DIXDC1: variants seen among roughly 807,000 people sequenced by gnomAD.
DIXDC1 encodes the protein dixin.
DIXDC1 carries 64 observed loss-of-function variants against 103.1 expected under a neutral mutation model. The observed-to-expected ratio is 0.62, with a 90% CI of 0.51 to 0.76. The LOEUF (loss-of-function observed/expected upper bound fraction) is 0.76, where lower values mean the gene tolerates loss of function less well. DIXDC1 is among the 30% of genes least tolerant of loss of function. DIXDC1 has a pLI of 0.00. For missense variants in DIXDC1, 759 were observed against 834.2 expected, an observed-to-expected ratio of 0.91 and a Z score of 1.11; for synonymous variants, 266 against 298.5, an observed-to-expected ratio of 0.89 and a Z score of 1.12.
Position 111,977,157 on chromosome 11 carries a change from CA to C in DIXDC1, c.656+2175del. ...AACCCCTCGTCGACGTCCCCACCCCCACCTCCACCCCGCCCAGCCCCGCCCC... is the reference window on the plus strand; with the variant it reads ...AACCCCTCGTCGACGTCCCCACCCCCCCTCCACCCCGCCCAGCCCCGCCCC... On this transcript the variant is annotated intron_variant, in intron 5 of 19. Coordinates refer to ENST00000440460, the MANE Select transcript of DIXDC1 (RefSeq NM_001037954.4). The surrounding 1 kb of genome is among the most constrained non-coding windows in gnomAD (Gnocchi z 6.1). The C allele has an allele frequency of 4.6e-6, 3 of 654,288 alleles. No individual in the cohort carries two copies. The highest frequency in any genetic ancestry group is 5.7e-6 in the Non-Finnish European group (3 of 526,990). The allele number at this position is 654,288 out of a possible 1,614,324, so 40.5% of individuals were successfully genotyped here.
intron 1 of DIXDC1, among the ~76,000 whole-genome samples, chr11:111,941,346 G>T (rs948233638): frequency 1.3e-5 from 2 of 152,120 alleles, no homozygotes; most frequent in Non-Finnish European, 2.9e-5. Flanking sequence ...CATGGCCTGG[G>T]GGCTGAAAGT....
At chr11:111,953,411 C>T (rs1341210871) in intron 1 of DIXDC1, among the ~76,000 whole-genome samples, 7 of 152,006 alleles carry the variant, frequency 4.6e-5, no homozygotes, top group East Asian at 1.9e-4. Context: ...CCGAGGTGGG[C>T]GGATCACCTG....
intron 1 of DIXDC1, among the ~76,000 whole-genome samples, chr11:111,947,660 G>C (rs1966643812): frequency 6.6e-6 from 1 of 152,336 alleles, no homozygotes; most frequent in Admixed American, 6.5e-5. Context: ...TAAAGGGAGA[G>C]GCAGCAGCCT....
Position 111,992,462 on chromosome 11 carries a change from G to T in DIXDC1, c.1161G>T (p.Gln387His). The T allele has an allele frequency of 6.3e-7, 1 of 1,583,492 alleles. No individual in the cohort carries two copies. Among genetic ancestry groups the T allele is most frequent in the Non-Finnish European group, 8.6e-7 (1 of 1,164,274 alleles). The change falls in exon 11 of 20, where the codon CAG (glutamine) becomes CAT (histidine). Residue 387 changes from glutamine (Q) to histidine (H), a missense_variant. By Grantham distance (24) the Gln-to-His change is conservative. Coordinates refer to ENST00000440460, the MANE Select transcript of DIXDC1 (RefSeq NM_001037954.4). ...RLTQQDTSVL[Q>H]LKQELLRANM... Reference sequence around the variant, plus strand: ...CTCAGCAGGACACATCTGTTCTTCAGCTCAAACAAGAGCTACTGAGGGCAA... The same window carrying T: ...CTCAGCAGGACACATCTGTTCTTCATCTCAAACAAGAGCTACTGAGGGCAA...
chr11:111,979,486 C>G (rs2137546017), intron 5 of DIXDC1, among the ~76,000 whole-genome samples: 1 of 152,330 alleles, frequency 6.6e-6, no homozygotes, highest in East Asian at 1.9e-4. Context: ...GAGATTCTTT[C>G]AGTGCTGATG....
At chr11:111,932,625 T>TC (rs201909922), upstream of DIXDC1, among the ~76,000 whole-genome samples, 1,896 of 152,096 alleles carry the variant, frequency 0.012, 35 homozygotes, top group African/African-American at 0.04. Flanking sequence ...TAGAATATTT[T>TC]CACATATCTG....
At chr11:111,994,514 C>T (rs1860816643) in intron 14 of DIXDC1, among the ~76,000 whole-genome samples, 2 of 148,776 alleles carry the variant, frequency 1.3e-5, no homozygotes, top group African/African-American at 5.0e-5. Context: ...CATATATAAC[C>T]ATACATATAT....
At chr11:111,975,209 C>T in intron 5 of DIXDC1, 2 of 1,331,742 alleles carry the variant, frequency 1.5e-6, no homozygotes, top group Non-Finnish European at 9.7e-7. Context: ...TCTGTGCAGT[C>T]CCAGTGCCAG....
Position 111,977,764 on chromosome 11 carries a change from G to A in DIXDC1, c.656+2781G>A, listed in dbSNP as rs1860162088. ...AGGCTTGCTGAAGCCCGAGACAGGA[G>A]GGGGACCATGGGAGGGACGCAAGTC... On this transcript the variant is annotated intron_variant, in intron 5 of 19. Transcript: ENST00000440460. This position sits in a 1 kb window ranked among gnomAD's most constrained non-coding sequence, Gnocchi z 6.1. 6.4e-7 allele frequency: 1 copy of A among 1,566,158 alleles called. No individual in the cohort carries two copies. The highest frequency in any genetic ancestry group is 8.7e-7 in the Non-Finnish European group (1 of 1,155,864).
At chr11:111,988,479 T>C (rs1860575914) in intron 9 of DIXDC1, among the ~76,000 whole-genome samples, 2 of 152,234 alleles carry the variant, frequency 1.3e-5, no homozygotes, top group South Asian at 4.1e-4. Context: ...TTTTATCTAT[T>C]GTAAGGGAAT....
At position 111,937,520 on chromosome 11, in the gene DIXDC1, A is replaced by G; in HGVS notation, c.21A>G (p.Arg7=). 2 of 1,596,388 alleles carry G rather than the reference A, an allele frequency of 1.3e-6. No individual in the cohort carries two copies. The highest frequency in any genetic ancestry group is 1.7e-5 in the Admixed American group (1 of 57,426). The change falls in exon 1 of 20, where the codon CGA becomes CGG. Residue 7 remains arginine, a synonymous_variant. Transcript: ENST00000440460. MLACLT[R]GNLLDVLQEG... is the part of the protein sequence containing the mutation. Reference sequence around the variant, plus strand: ...GAACAATGCTAGCCTGCCTGACCCGAGGGAACTTACTGGACGTCCTGCAGG... The same window carrying G: ...GAACAATGCTAGCCTGCCTGACCCGGGGGAACTTACTGGACGTCCTGCAGG...
chr11:111,964,400 C>T, intron 1 of DIXDC1, 149 bp from the exon 2 acceptor site: 1 of 804,672 alleles, frequency 1.2e-6, no homozygotes, highest in Non-Finnish European at 1.9e-6. Flanking sequence ...ATGATATAAT[C>T]TTTCTTCTCT....
At chr11:112,006,822 A>C (rs1555176659) in intron 17 of DIXDC1, among the ~76,000 whole-genome samples, 1 of 152,212 alleles carries the variant, frequency 6.6e-6, no homozygotes, top group East Asian at 1.9e-4. Context: ...ATCAAAGACC[A>C]AAGGTAGATA....
At chr11:111,929,848 T>C (rs1555167480) in exon 2 of DIXDC1, 3 of 1,535,864 alleles carry the variant, frequency 2.0e-6, no homozygotes, top group East Asian at 4.9e-5. Context: ...CTAGGGACTC[T>C]TGAAGATGGG....
intron 5 of DIXDC1, among the ~76,000 whole-genome samples, chr11:111,979,335 G>T (rs149640567): frequency 1.3e-5 from 2 of 152,276 alleles, no homozygotes; most frequent in African/African-American, 4.8e-5. Context: ...ACTCCTGATC[G>T]TGGTTGTGAG....
At chr11:111,947,186 C>T (rs1315156411) in intron 1 of DIXDC1, among the ~76,000 whole-genome samples, 4 of 152,098 alleles carry the variant, frequency 2.6e-5, no homozygotes, top group African/African-American at 9.6e-5. Context: ...GGGTTTTGGA[C>T]TCCTGACCCT....
chr11:111,975,032 C>T (rs1213662164), intron 5 of DIXDC1, 49 bp downstream of exon 5: 13 of 1,571,426 alleles, frequency 8.3e-6, no homozygotes, highest in Non-Finnish European at 1.0e-5. Context: ...TCGGAGTTCT[C>T]GGCTTCAAGT....
intron 5 of DIXDC1, chr11:111,975,715 C>G (rs1860075279): frequency 2.0e-6 from 2 of 985,404 alleles, no homozygotes; most frequent in Non-Finnish European, 1.2e-6. Flanking sequence ...TCTTTCCTAT[C>G]CCAACCCTGT....
intron 17 of DIXDC1, among the ~76,000 whole-genome samples, chr11:112,008,040 T>C (rs1439930191): frequency 1.3e-5 from 2 of 150,890 alleles, no homozygotes; most frequent in East Asian, 1.9e-4. Context: ...AACCCATCGG[T>C]GTGCTGTACT....
Sources: allele counts gnomAD v4.1 joint callset (sites outside exome capture counted in the v4.1 genomes callset), GRCh38; gene constraint gnomAD v4.1.1; non-coding constraint Gnocchi (gnomAD v3.1); transcripts MANE v1.5; gene names NCBI Gene and HGNC (gene_info 2026-07-23, HGNC 2026-07-21).